The following RYR3 variants were observed in gnomAD, a reference collection of about 807,000 sequenced individuals.
The protein encoded by RYR3 is brain ryanodine receptor-calcium release channel.
Under a neutral mutation model 584.3 loss-of-function variants are expected in RYR3, and 207 were observed. The ratio of observed to expected loss-of-function variants is 0.35; its 90% CI spans 0.32 to 0.40. The LOEUF (loss-of-function observed/expected upper bound fraction) is 0.40. RYR3 is among the 10% of genes least tolerant of loss of function. The pLI, the probability that RYR3 is intolerant of heterozygous loss-of-function variation, is 1.00. For missense variants in RYR3, 5,616 were observed against 6,089.2 expected (o/e 0.92, Z 2.59); for synonymous variants, 2,416 against 2,248.5 (o/e 1.07, Z -2.11).
At chr15:33,673,432 A>G (rs2063966608) in intron 38 of RYR3, among the ~76,000 whole-genome samples, 1 of 152,266 alleles carries the variant, frequency 6.6e-6, no homozygotes, top group Non-Finnish European at 1.5e-5. Flanking sequence ...ACTCCAAGCC[A>G]TATTGTTAAT....
Position 33,831,077 on chromosome 15 carries a change from A to C in RYR3, c.11449A>C (p.Thr3817Pro), listed in dbSNP as rs1300266606. ...AVTKQIFNSL[T>P]EYIQGPCIGN... is the part of the protein sequence containing the mutation. The stretch of plus-strand genomic sequence containing the variant: ...CACCAAGCAGATTTTCAATTCTCTT[A>C]CAGAATACATCCAGGTATGTGCTAC... The change falls in exon 86 of 104, where the codon ACA (threonine) becomes CCA (proline). Residue 3817 changes from threonine to proline, a missense_variant. Around this residue, in one of 9 missense-constraint regions of RYR3, gnomAD observed 954 missense variants for 1,132.2 expected, o/e 0.84. Coordinates refer to ENST00000634891, the MANE Select transcript of RYR3 (RefSeq NM_001036.6). 6.2e-7 allele frequency: 1 copy of C among 1,613,512 alleles called. No homozygotes were observed.
chr15:33,812,776 C>A, intron 72 of RYR3, 87 bp from the exon 73 acceptor site: 1 of 1,377,984 alleles, frequency 7.3e-7, no homozygotes, highest in Non-Finnish European at 9.9e-7. Context: ...GTCTTGACTC[C>A]TACAGAACCA....
intron 2 of RYR3, among the ~76,000 whole-genome samples, chr15:33,486,361 C>T (rs1287872225): frequency 9.2e-5 from 14 of 152,154 alleles, no homozygotes; most frequent in Non-Finnish European, 2.1e-4. Context: ...AGCATAACCC[C>T]AGTCTCTGCC....
chr15:33,602,731 G>GTT (rs1567639568), intron 17 of RYR3, among the ~76,000 whole-genome samples: 4 of 88,014 alleles, frequency 4.5e-5, no homozygotes, highest in Admixed American at 1.4e-4. Context: ...GCTTTTTCTA[G>GTT]TCTTTTTTTT....
chr15:33,424,754 GTC>G (rs2044482375), intron 1 of RYR3, among the ~76,000 whole-genome samples: 1 of 152,006 alleles, frequency 6.6e-6, no homozygotes, highest in Non-Finnish European at 1.5e-5. Context: ...ACTCTTCTGT[GTC>G]TTATTTATCT....
At position 33,810,614 on chromosome 15, in the gene RYR3, G is replaced by T; in HGVS notation, c.10162G>T (p.Glu3388Ter). The T allele has an allele frequency of 6.2e-7, 1 of 1,614,032 alleles. No homozygotes were observed. Among genetic ancestry groups the T allele is most frequent in the South Asian group, 1.1e-5 (1 of 91,088 alleles). ...GAATATGTGTACTCCAGGCGACCAG[G>T]AGCTGATCTCCCTCGCAAAATCGCG... ...GLNMCTPGDQELISLAKSRYS... is the reference protein window; with the variant it reads ...GLNMCTPGDQ Residue 3388 changes from glutamate to a stop codon, truncating the protein, a stop_gained, in exon 71 of 104, where the codon GAG becomes TAG. Transcript: ENST00000634891. LOFTEE classifies it high-confidence loss of function.
intron 67 of RYR3, among the ~76,000 whole-genome samples, chr15:33,796,330 C>T (rs2075620516): frequency 6.6e-6 from 1 of 152,134 alleles, no homozygotes; most frequent in Non-Finnish European, 1.5e-5. Context: ...GACGGGGTTT[C>T]ACCATGTTGG....
intron 102 of RYR3, among the ~76,000 whole-genome samples, chr15:33,862,266 G>A (rs1324361686): frequency 6.6e-6 from 1 of 152,130 alleles, no homozygotes; most frequent in Non-Finnish European, 1.5e-5. Flanking sequence ...AGGCTCGAGT[G>A]CAGTGGTATG....
intron 1 of RYR3, among the ~76,000 whole-genome samples, chr15:33,322,260 G>A (rs2140538647): frequency 6.6e-6 from 1 of 152,320 alleles, no homozygotes; most frequent in East Asian, 1.9e-4. Context: ...CATGACACTG[G>A]CATCTGCTCG....
At chr15:33,862,810 C>T (rs1260688769) in intron 102 of RYR3, among the ~76,000 whole-genome samples, 7 of 152,068 alleles carry the variant, frequency 4.6e-5, no homozygotes, top group African/African-American at 1.2e-4. Flanking sequence ...AGGGTTTCAC[C>T]GTGTTGGCCA....
chr15:33,856,725 C>G (rs2079707456), intron 98 of RYR3: 1 of 152,992 alleles, frequency 6.5e-6, no homozygotes, highest in Non-Finnish European at 1.5e-5. Flanking sequence ...GTGGCGCGAT[C>G]TCAGCTTACT....
chr15:33,472,994 C>T (rs2049055190), intron 1 of RYR3, among the ~76,000 whole-genome samples: 1 of 152,184 alleles, frequency 6.6e-6, no homozygotes, highest in Non-Finnish European at 1.5e-5. Flanking sequence ...AACACTTTCC[C>T]TCCACTCATC....
intron 1 of RYR3, among the ~76,000 whole-genome samples, chr15:33,313,348 G>A (rs936098043): frequency 1.4e-4 from 21 of 152,148 alleles, no homozygotes; most frequent in Admixed American, 6.5e-4. Context: ...TGAGCGTTAC[G>A]CCAGATGTTA....
chr15:33,627,238 AGTCTCCCAT>A (rs2061039444), intron 20 of RYR3, among the ~76,000 whole-genome samples: 1 of 152,208 alleles, frequency 6.6e-6, no homozygotes, highest in African/African-American at 2.4e-5. Flanking sequence ...TTTTATATGA[AGTCTCCCAT>A]TTCTTAGGGA....
chr15:33,362,929 A>G (rs189811956), intron 1 of RYR3, among the ~76,000 whole-genome samples: 45 of 152,292 alleles, frequency 3.0e-4, no homozygotes, highest in African/African-American at 1.1e-3. Context: ...TTGTTCTGCC[A>G]TGTGATGGCA....
chr15:33,774,313 C>T (rs1344258248), intron 64 of RYR3, among the ~76,000 whole-genome samples: 1 of 152,188 alleles, frequency 6.6e-6, no homozygotes, highest in Non-Finnish European at 1.5e-5. Context: ...TTACTCTTAT[C>T]CTTGGAAGAT....
intron 38 of RYR3, among the ~76,000 whole-genome samples, chr15:33,682,641 G>C (rs2064710061): frequency 6.6e-6 from 1 of 152,172 alleles, no homozygotes; most frequent in Non-Finnish European, 1.5e-5. Context: ...CTGTTCAAGA[G>C]CATTTGCTTT....
intron 12 of RYR3, among the ~76,000 whole-genome samples, chr15:33,576,087 A>G (rs547785312): frequency 6.6e-6 from 1 of 152,320 alleles, no homozygotes; most frequent in South Asian, 2.1e-4. Flanking sequence ...GAATAGACCA[A>G]TGATGAGTTC....
intron 64 of RYR3, among the ~76,000 whole-genome samples, chr15:33,776,012 T>G (rs2073971997): frequency 6.6e-6 from 1 of 152,244 alleles, no homozygotes; most frequent in Non-Finnish European, 1.5e-5. Flanking sequence ...TCAAGATGTC[T>G]TCCCAGTTTC....
Sources: gnomAD v4.1 joint callset for allele counts (sites outside exome capture counted in the v4.1 genomes callset) on GRCh38, gnomAD v4.1.1 for gene constraint, gnomAD v4.1.1 regional missense constraint, MANE v1.5 for transcripts, NCBI Gene and HGNC (gene_info 2026-07-23, HGNC 2026-07-21) for gene names.